Variants in UPP2 observed in about 807,000 individuals in gnomAD.
The protein encoded by UPP2 is uridine phosphorylase 2.
Under a neutral mutation model 26.7 loss-of-function variants are expected in UPP2, and 23 were observed. The observed-to-expected ratio is 0.86, with a 90% CI of 0.62 to 1.22. The LOEUF (loss-of-function observed/expected upper bound fraction) is 1.22. UPP2 is among the 50% of genes most tolerant of loss of function. UPP2 has a pLI of 0.00. For missense variants in UPP2, 387 were observed against 396.7 expected (o/e 0.98, Z 0.21); for synonymous variants, 127 against 141.3 (o/e 0.90, Z 0.72).
intron 3 of UPP2, among the ~76,000 whole-genome samples, chr2:158,069,358 A>G (rs1463169513): frequency 6.6e-6 from 1 of 152,182 alleles, no homozygotes; most frequent in Non-Finnish European, 1.5e-5. Flanking sequence ...AGTGTGCAGA[A>G]GAGATATTGC....
At chr2:158,095,798 T>C (rs1463667728) in intron 3 of UPP2, among the ~76,000 whole-genome samples, 1 of 152,162 alleles carries the variant, frequency 6.6e-6, no homozygotes, top group Non-Finnish European at 1.5e-5. Context: ...TTTTTTTCAT[T>C]ATTTTTCCTT....
At chr2:158,130,637 T>C (rs1683799623) in intron 6 of UPP2, among the ~76,000 whole-genome samples, 1 of 152,174 alleles carries the variant, frequency 6.6e-6, no homozygotes, top group South Asian at 2.1e-4. Flanking sequence ...TCTTCATAGG[T>C]ATAATGAATT....
chr2:158,100,495 T>C (rs1574289781), upstream of UPP2, among the ~76,000 whole-genome samples: 2 of 152,306 alleles, frequency 1.3e-5, no homozygotes, highest in East Asian at 3.9e-4. Context: ...AATTGAGAGA[T>C]ATGGCATGGA....
intron 2 of UPP2, among the ~76,000 whole-genome samples, chr2:158,108,590 C>CACACGCACACACACAG (rs1175625276): frequency 6.6e-6 from 1 of 151,026 alleles, no homozygotes; most frequent in African/African-American, 2.5e-5. Flanking sequence ...ATCTCTCTCA[C>CACACGCACACACACAG]ACACGCACAC....
intron 3 of UPP2, among the ~76,000 whole-genome samples, chr2:158,078,555 T>A (rs1328630404): frequency 1.3e-5 from 2 of 152,110 alleles, no homozygotes; most frequent in Non-Finnish European, 2.9e-5. Flanking sequence ...CACACTTCAC[T>A]TATTTGTGGG....
chr2:158,100,650 A>G (rs1683060479), upstream of UPP2, among the ~76,000 whole-genome samples: 1 of 152,254 alleles, frequency 6.6e-6, no homozygotes, highest in Non-Finnish European at 1.5e-5. Context: ...CAAGCTATCA[A>G]CAAGAACTAC....
At chr2:158,079,860 C>A (rs564563108) in intron 3 of UPP2, among the ~76,000 whole-genome samples, 48 of 152,258 alleles carry the variant, frequency 3.2e-4, no homozygotes, top group African/African-American at 1.2e-3. Flanking sequence ...GTAAAGCTAA[C>A]TGTATTCTGT....
chr2:158,118,566 T>A (rs1010481659), intron 4 of UPP2, among the ~76,000 whole-genome samples: 2 of 151,988 alleles, frequency 1.3e-5, no homozygotes, highest in African/African-American at 4.8e-5. Context: ...GAATGTGTTA[T>A]GATGAAGTTT....
chr2:158,080,612 C>T (rs1199852927), intron 3 of UPP2, among the ~76,000 whole-genome samples: 1 of 152,200 alleles, frequency 6.6e-6, no homozygotes, highest in Admixed American at 6.5e-5. Flanking sequence ...CTACTCCCTT[C>T]CAACTTATTG....
At chr2:158,084,423 A>C (rs1375706939) in intron 3 of UPP2, among the ~76,000 whole-genome samples, 2 of 152,100 alleles carry the variant, frequency 1.3e-5, no homozygotes, top group African/African-American at 4.8e-5. Context: ...TATAAATTGC[A>C]AAGATTTTCT....
chr2:158,028,448 A>G (rs1305743815), intron 3 of UPP2, among the ~76,000 whole-genome samples: 2 of 152,206 alleles, frequency 1.3e-5, no homozygotes, highest in Non-Finnish European at 2.9e-5. Context: ...AGACCACCTC[A>G]GCCTGGACCT....
In UPP2 at chr2:158,106,276, T is replaced by A. The variant is rs1385515894; in HGVS notation, c.180+60T>A. ...AGTTTTCTCTACTAATTTTTCTTCTTACCTTGCCAAAATAATCTATACACC... is the reference window on the plus strand; with the variant it reads ...AGTTTTCTCTACTAATTTTTCTTCTAACCTTGCCAAAATAATCTATACACC... On this transcript the variant is annotated intron_variant, in intron 2 of 6. Coordinates refer to ENST00000005756, the MANE Select transcript of UPP2 (RefSeq NM_173355.4). 2.0e-6 allele frequency: 3 copies of A among 1,464,254 alleles called. No homozygotes were observed. The Admixed American group carries it at 5.5e-5, about 27-fold the overall frequency. The allele number at this position is 1,464,254 out of a possible 1,614,324, so 90.7% of individuals were successfully genotyped here.
intron 2 of UPP2, among the ~76,000 whole-genome samples, chr2:158,108,571 CATGT>C (rs945189084): frequency 1.3e-5 from 2 of 151,830 alleles, no homozygotes; most frequent in Admixed American, 6.6e-5. Flanking sequence ...AGGGGACTCA[CATGT>C]ATGTATCTCT....
At chr2:158,047,340 C>A (rs1378775779) in intron 3 of UPP2, among the ~76,000 whole-genome samples, 1 of 152,168 alleles carries the variant, frequency 6.6e-6, no homozygotes, top group Non-Finnish European at 1.5e-5. Flanking sequence ...GATGGCAAAG[C>A]CACATGATGC....
chr2:158,123,917 A>G, intron 6 of UPP2, 22 bp downstream of exon 6: 2 of 1,608,312 alleles, frequency 1.2e-6, no homozygotes, highest in Non-Finnish European at 1.7e-6. Context: ...GTGAATGCTT[A>G]GGGTCAAATT....
upstream of UPP2, among the ~76,000 whole-genome samples, chr2:158,101,536 G>A (rs183834794): frequency 1.3e-5 from 2 of 152,212 alleles, no homozygotes; most frequent in Non-Finnish European, 2.9e-5. Context: ...CGAGGGGCTG[G>A]ATGGAGATGG....
At chr2:158,112,902 C>G (rs1683349530) in intron 2 of UPP2, among the ~76,000 whole-genome samples, 1 of 152,136 alleles carries the variant, frequency 6.6e-6, no homozygotes, top group African/African-American at 2.4e-5. Flanking sequence ...TGACTCCTTC[C>G]CAGTGTGTTT....
At chr2:158,031,569 G>A (rs1467376202) in intron 3 of UPP2, among the ~76,000 whole-genome samples, 1 of 152,210 alleles carries the variant, frequency 6.6e-6, no homozygotes, top group Non-Finnish European at 1.5e-5. Flanking sequence ...GACCGCTGAG[G>A]TTCCGAGCCA....
intron 2 of UPP2, among the ~76,000 whole-genome samples, chr2:158,107,439 T>C (rs867087064): frequency 1.6e-4 from 25 of 152,202 alleles, no homozygotes; most frequent in Admixed American, 6.6e-4. Flanking sequence ...AGAGTGGTAG[T>C]GCTGAGACCT....
Sources: gnomAD v4.1 joint callset for allele counts (sites outside exome capture counted in the v4.1 genomes callset) on GRCh38, gnomAD v4.1.1 for gene constraint, MANE v1.5 for transcripts, NCBI Gene and HGNC (gene_info 2026-07-23, HGNC 2026-07-21) for gene names.